NAA40: variants seen among roughly 807,000 people sequenced by gnomAD.
NAA40 encodes N-alpha-acetyltransferase 40, NatD catalytic subunit.
Under a neutral mutation model 36.6 loss-of-function variants are expected in NAA40, and 26 were observed. The observed-to-expected ratio is 0.71, with a 90% CI of 0.52 to 0.98. The LOEUF is 0.98. NAA40 is among the 50% of genes least tolerant of loss of function. NAA40 has a pLI of 0.00. For synonymous variants in NAA40, 129 were observed against 108.4 expected, an observed-to-expected ratio of 1.19 and a Z score of -1.18; for missense variants, 237 against 306.5, an observed-to-expected ratio of 0.77 and a Z score of 1.69.
chr11:63,955,681 G>T lies in NAA40; in HGVS notation c.*1202G>T, dbSNP rs1025496965. 1 of 152,394 alleles carries T rather than the reference G, an allele frequency of 6.6e-6. No homozygotes were observed. The highest frequency in any genetic ancestry group is 2.4e-5 in the African/African-American group (1 of 41,460). The allele number at this position is 152,394 out of a possible 1,614,324, so 9.4% of individuals were successfully genotyped here. A position where few individuals can be genotyped will look rare whatever the true frequency, so the allele number is the denominator to read the frequency against. On this transcript the variant is annotated 3_prime_UTR_variant, in exon 8 of 8. Coordinates refer to ENST00000377793, the MANE Select transcript of NAA40 (RefSeq NM_024771.4). ...TGGCCAACAGTTGCTTTTCTCTCTG[G>T]TGTCACCCTGTGGCAACAGGCTGGA...
chr11:63,951,501 G>A (rs994504557), intron 3 of NAA40, among the ~76,000 whole-genome samples: 6 of 152,124 alleles, frequency 3.9e-5, no homozygotes. Flanking sequence ...CCACCACCAT[G>A]CCCAGCTAAT....
chr11:63,954,186 G>A lies in NAA40; in HGVS notation c.572+137G>A, dbSNP rs1942326224. The A allele has an allele frequency of 3.8e-6, 5 of 1,303,616 alleles. No homozygotes were observed. In the African/African-American group the frequency reaches 4.4e-5, roughly 12 times the overall value. 80.8% of individuals were successfully genotyped at this position (1,303,616 alleles called of 1,614,324 possible). On this transcript the variant is annotated intron_variant, in intron 7 of 7. Coordinates refer to ENST00000377793, the MANE Select transcript of NAA40 (RefSeq NM_024771.4). ...ATGGGGGTTCAGGTTCAGGGAGATG[G>A]TATGGCAGTGCTCTCTGATTTGGTC...
chr11:63,939,243 C>T (rs1942066765), intron 1 of NAA40, 141 bp downstream of exon 1: 3 of 1,283,990 alleles, frequency 2.3e-6, no homozygotes, highest in Non-Finnish European at 3.0e-6. Flanking sequence ...TGACCCGACT[C>T]CCCCATTCTA....
intron 3 of NAA40, among the ~76,000 whole-genome samples, chr11:63,947,658 C>G (rs1278451754): frequency 6.6e-6 from 1 of 151,072 alleles, no homozygotes; most frequent in East Asian, 2.0e-4. Context: ...TCAGCCGATT[C>G]TCCTGCCTCA....
Position 63,946,976 on chromosome 11 carries a change from C to T in NAA40, c.128C>T (p.Pro43Leu). ...CTTGGAGACCCTCTGGAGGCTTTCC[C>T]AGTGTTCAAGAAATATGATAGAAAC... ...NRLGDPLEAFPVFKKYDRNGL... is the reference protein window; with the variant it reads ...NRLGDPLEAFLVFKKYDRNGL... Residue 43 changes from proline to leucine, a missense_variant, in exon 3 of 8, where the codon CCA becomes CTA. Pro to Leu is a moderately conservative substitution (Grantham distance 98, BLOSUM62 -3). Transcript: ENST00000377793. The T allele has an allele frequency of 2.5e-6, 4 of 1,614,152 alleles. No homozygotes were observed. The Admixed American group carries it at 5.0e-5, about 20-fold the overall frequency.
At chr11:63,940,014 A>G (rs1359694988) in intron 1 of NAA40, among the ~76,000 whole-genome samples, 1 of 147,448 alleles carries the variant, frequency 6.8e-6, no homozygotes, top group Non-Finnish European at 1.5e-5. Flanking sequence ...TAAAAAGATA[A>G]CGCTTTTCCT....
rs1450081113 is a variant in NAA40, at chr11:63,954,770, A to C, written c.*291A>C. ...TCCTCATTTGGCTCCTGGGGCCTGC[A>C]GTGGAGGTTCTCGCACCTCTGCAGC... On this transcript the variant is annotated 3_prime_UTR_variant, in exon 8 of 8. Coordinates refer to ENST00000377793, the MANE Select transcript of NAA40 (RefSeq NM_024771.4). The C allele has an allele frequency of 2.5e-5, 7 of 281,430 alleles. No individual in the cohort carries two copies. Among genetic ancestry groups the C allele is most frequent in the Non-Finnish European group, 4.6e-5 (7 of 152,100 alleles). The allele number at this position is 281,430 out of a possible 1,614,324, so 17.4% of individuals were successfully genotyped here. A position where few individuals can be genotyped will look rare whatever the true frequency, so the allele number is the denominator to read the frequency against.
intron 1 of NAA40, 183 bp downstream of exon 1, chr11:63,939,285 C>T (rs1942067557): frequency 7.8e-7 from 1 of 1,285,150 alleles, no homozygotes; most frequent in South Asian, 2.1e-5. Context: ...GCCCGGGAAT[C>T]CTCTGGAGAG....
intron 3 of NAA40, among the ~76,000 whole-genome samples, chr11:63,950,379 G>A (rs926218580): frequency 1.3e-5 from 2 of 151,882 alleles, no homozygotes; most frequent in Admixed American, 6.6e-5. Flanking sequence ...TCAACCTCCC[G>A]AAGTGCTGAG....
chr11:63,939,979 A>G (rs1942080896), intron 1 of NAA40, among the ~76,000 whole-genome samples: 1 of 150,276 alleles, frequency 6.7e-6, no homozygotes, highest in South Asian at 2.1e-4. Context: ...CTAAGTCTCA[A>G]TTACAGCAGT....
At chr11:63,946,816 G>A in intron 2 of NAA40, 135 bp from the exon 3 acceptor site, 10 of 1,568,724 alleles carry the variant, frequency 6.4e-6, no homozygotes, top group Non-Finnish European at 8.6e-6. Context: ...GTTTTGGGAG[G>A]CTGCTCCTGG....
intron 3 of NAA40, among the ~76,000 whole-genome samples, chr11:63,948,153 C>T (rs1164579508): frequency 6.6e-6 from 1 of 152,208 alleles, no homozygotes; most frequent in African/African-American, 2.4e-5. Context: ...CCGCGCCTGG[C>T]CTGATGTCTC....
Position 63,956,072 on chromosome 11 carries a change from C to G in NAA40, c.*1593C>G, listed in dbSNP as rs546236298. ...CAGGAGCCTGTGTACACAGGGCCTC[C>G]CTCACCCAGCCTGGCCCCTCTGCTG... On this transcript the variant is annotated 3_prime_UTR_variant, in exon 8 of 8. Transcript: ENST00000377793. 2.0e-5 allele frequency: 3 copies of G among 152,930 alleles called. No homozygotes were observed. Among genetic ancestry groups the G allele is most frequent in the Admixed American group, 1.3e-4 (2 of 15,298 alleles). 9.5% of individuals were successfully genotyped at this position (152,930 alleles called of 1,614,324 possible). A position where few individuals can be genotyped will look rare whatever the true frequency, so the allele number is the denominator to read the frequency against.
chr11:63,950,560 A>G (rs1408632993), intron 3 of NAA40, among the ~76,000 whole-genome samples: 1 of 151,932 alleles, frequency 6.6e-6, no homozygotes, highest in East Asian at 1.9e-4. Flanking sequence ...CCTCCCTGGT[A>G]CAAGCAATTC....
rs547274292 is a variant in NAA40, at chr11:63,946,485, G to A, written c.103-466G>A. ...CTCCCAAAGTGCTGGGATTACAGGC[G>A]TGAGCCACAGTGCCCAGCCCCTGCC... On this transcript the variant is annotated intron_variant, in intron 2 of 7. Transcript: ENST00000377793. 1.6e-4 allele frequency: 171 copies of A among 1,102,038 alleles called. 3 individuals carry two copies. The highest frequency in any genetic ancestry group is 1.1e-3 in the South Asian group (50 of 44,030). The allele number at this position is 1,102,038 out of a possible 1,614,324, so 68.3% of individuals were successfully genotyped here. A position where few individuals can be genotyped will look rare whatever the true frequency, so the allele number is the denominator to read the frequency against.
At chr11:63,951,278 A>G (rs1385158923) in intron 3 of NAA40, among the ~76,000 whole-genome samples, 1 of 152,198 alleles carries the variant, frequency 6.6e-6, no homozygotes, top group Non-Finnish European at 1.5e-5. Context: ...AGAAACAGAT[A>G]CCTTAACACT....
chr11:63,952,937 C>T (rs543565899), intron 6 of NAA40, 98 bp downstream of exon 6: 62 of 1,013,144 alleles, frequency 6.1e-5, no homozygotes, highest in Non-Finnish European at 9.3e-5. Context: ...GAGGAGGAGG[C>T]TCATAGGCAT....
In NAA40 at chr11:63,946,835, T is replaced by C. The variant is rs767084669; in HGVS notation, c.103-116T>C. 2.5e-6 allele frequency: 4 copies of C among 1,593,412 alleles called. No individual in the cohort carries two copies. In the African/African-American group the frequency reaches 5.4e-5, roughly 21 times the overall value. On this transcript the variant is annotated intron_variant, in intron 2 of 7. Coordinates refer to ENST00000377793, the MANE Select transcript of NAA40 (RefSeq NM_024771.4). ...TGGGAGGCTGCTCCTGGTTCTGAAG[T>C]TAGTCTCCCGTTGTGGGTCCCCACA...
chr11:63,949,485 G>A (rs1478646092), intron 3 of NAA40, among the ~76,000 whole-genome samples: 2 of 151,994 alleles, frequency 1.3e-5, no homozygotes, highest in Non-Finnish European at 2.9e-5. Context: ...GTTAACTATA[G>A]GCTCTGGAGT....
Sources: gnomAD v4.1 joint callset for allele counts (sites outside exome capture counted in the v4.1 genomes callset) on GRCh38, gnomAD v4.1.1 for gene constraint, MANE v1.5 for transcripts, NCBI Gene and HGNC (gene_info 2026-07-23, HGNC 2026-07-21) for gene names.